PCDHA8: variants seen among roughly 807,000 people sequenced by gnomAD.
PCDHA8 encodes protocadherin alpha-8.
In PCDHA8, 53 loss-of-function variants were observed where a neutral mutation model predicts 61.8. The observed-to-expected ratio is 0.86, with a 90% CI of 0.69 to 1.08. The LOEUF is 1.08. Among genes scored for constraint, PCDHA8 ranks in the 50% least tolerant of loss-of-function variants. PCDHA8 has a pLI of 0.00. For synonymous variants in PCDHA8, 618 were observed against 556.6 expected, an observed-to-expected ratio of 1.11 and a Z score of -1.55; for missense variants, 1,293 against 1,245.0, an observed-to-expected ratio of 1.04 and a Z score of -0.58.
chr5:140,923,171 G>T (rs1236853762), intron 1 of PCDHA8, among the ~76,000 whole-genome samples: 1 of 152,112 alleles, frequency 6.6e-6, no homozygotes, highest in Non-Finnish European at 1.5e-5. Flanking sequence ...ATAAATTTTT[G>T]TTCAGATGCA....
At chr5:140,921,165 A>T (rs959305878) in intron 1 of PCDHA8, among the ~76,000 whole-genome samples, 1 of 151,798 alleles carries the variant, frequency 6.6e-6, no homozygotes, top group Non-Finnish European at 1.5e-5. Flanking sequence ...TTTTTTTAAC[A>T]CACATAAAGC....
At chr5:140,982,348 T>A (rs1253085859) in intron 2 of PCDHA8, 127 bp from the exon 3 acceptor site, 1 of 1,496,080 alleles carries the variant, frequency 6.7e-7, no homozygotes, top group East Asian at 2.4e-5. Flanking sequence ...TTGCTTCAGT[T>A]CAAGCATGAG....
chr5:140,975,056 A>C (rs1006106436), intron 1 of PCDHA8, among the ~76,000 whole-genome samples: 1 of 152,154 alleles, frequency 6.6e-6, no homozygotes, highest in Non-Finnish European at 1.5e-5. Flanking sequence ...AGAATCTACT[A>C]TCGAGCTCAT....
Position 141,009,995 on chromosome 5 carries a change from C to T in PCDHA8, c.*58C>T, listed in dbSNP as rs1178395504. 6.3e-7 allele frequency: 1 copy of T among 1,576,476 alleles called. No individual in the cohort carries two copies. The highest frequency in any genetic ancestry group is 8.6e-7 in the Non-Finnish European group (1 of 1,165,244). ...TTTTTGTAATAATGGCAAATCTCTC[C>T]CATGTAGCAATTCCCTGCTCCTTTT... On this transcript the variant is annotated 3_prime_UTR_variant, in exon 4 of 4. Coordinates refer to ENST00000531613, the MANE Select transcript of PCDHA8 (RefSeq NM_018911.3).
chr5:140,887,361 G>T (rs2061424710), intron 1 of PCDHA8, among the ~76,000 whole-genome samples: 1 of 152,144 alleles, frequency 6.6e-6, no homozygotes, highest in South Asian at 2.1e-4. Flanking sequence ...CTCCCAAAGT[G>T]CTGGGATTAC....
At chr5:140,994,785 A>G (rs942763350) in intron 3 of PCDHA8, among the ~76,000 whole-genome samples, 2 of 152,168 alleles carry the variant, frequency 1.3e-5, no homozygotes, top group African/African-American at 4.8e-5. Flanking sequence ...AAAGGAAACA[A>G]TGCGTGCATG....
chr5:140,853,370 G>T lies in PCDHA8; in HGVS notation c.2394+9655G>T, dbSNP rs1365315114. On this transcript the variant is annotated intron_variant, in intron 1 of 3. Coordinates refer to ENST00000531613, the MANE Select transcript of PCDHA8 (RefSeq NM_018911.3). ...CATGAACTCACAGGGATCCAGAGAT[G>T]GTAAAATTCAAAACAGCCTGTCAAG... 3 of 983,178 alleles carry T rather than the reference G, an allele frequency of 3.1e-6. 1 individual carries two copies. The highest frequency in any genetic ancestry group is 3.7e-6 in the Non-Finnish European group (3 of 815,894). The allele number at this position is 983,178 out of a possible 1,614,324, so 60.9% of individuals were successfully genotyped here. A position where few individuals can be genotyped will look rare whatever the true frequency, so the allele number is the denominator to read the frequency against.
intron 3 of PCDHA8, among the ~76,000 whole-genome samples, chr5:141,003,860 G>T (rs1224171720): frequency 6.6e-6 from 1 of 152,136 alleles, no homozygotes; most frequent in African/African-American, 2.4e-5. Flanking sequence ...ATTTATATGT[G>T]TCTGAAATCC....
chr5:140,937,868 C>T (rs1433466146), intron 1 of PCDHA8, among the ~76,000 whole-genome samples: 2 of 150,648 alleles, frequency 1.3e-5, no homozygotes, highest in Admixed American at 6.6e-5. Context: ...GCCGAGATCG[C>T]GCCACTGCAC....
At chr5:140,850,853 G>T in intron 1 of PCDHA8, 1 of 1,595,240 alleles carries the variant, frequency 6.3e-7, no homozygotes, top group Non-Finnish European at 8.6e-7. Context: ...CAGAGCGAAC[G>T]GGAGAACCCT....
intron 1 of PCDHA8, chr5:140,851,152 C>G (rs1379835863): frequency 1.5e-6 from 2 of 1,304,948 alleles, no homozygotes; most frequent in African/African-American, 3.1e-5. Flanking sequence ...CATTGAATTT[C>G]TGATGCTATG....
chr5:140,980,834 C>A (rs1424222678), intron 2 of PCDHA8, among the ~76,000 whole-genome samples: 1 of 151,974 alleles, frequency 6.6e-6, no homozygotes, highest in Non-Finnish European at 1.5e-5. Context: ...AGTTGTGAAC[C>A]TAAATAATAC....
At chr5:141,002,565 G>A (rs782803550) in intron 3 of PCDHA8, among the ~76,000 whole-genome samples, 9 of 152,196 alleles carry the variant, frequency 5.9e-5, no homozygotes, top group Non-Finnish European at 2.9e-5. Flanking sequence ...ACCAGTTAGT[G>A]ACCATGTGAC....
chr5:140,850,049 C>G (rs2150465227), intron 1 of PCDHA8: 5 of 1,596,466 alleles, frequency 3.1e-6, no homozygotes, highest in Non-Finnish European at 3.4e-6. Flanking sequence ...GCAAGGTGTA[C>G]GCGCTGCAGC....
At chr5:140,846,310 A>G (rs1373754894) in intron 1 of PCDHA8, among the ~76,000 whole-genome samples, 4 of 145,832 alleles carry the variant, frequency 2.7e-5, no homozygotes, top group African/African-American at 1.0e-4. Context: ...TAAACCATTT[A>G]TGTAGAGTGT....
intron 1 of PCDHA8, among the ~76,000 whole-genome samples, chr5:140,953,382 G>A (rs1554220887): frequency 6.6e-6 from 1 of 152,142 alleles, no homozygotes; most frequent in Admixed American, 6.6e-5. Context: ...ACCCCTCTCA[G>A]TTGTGGATTA....
intron 1 of PCDHA8, among the ~76,000 whole-genome samples, chr5:140,902,482 C>T (rs1554190466): frequency 1.3e-5 from 2 of 152,086 alleles, no homozygotes; most frequent in Non-Finnish European, 2.9e-5. Context: ...TTTGCCTGCT[C>T]AGTATGATAC....
At chr5:140,870,092 C>T (rs2051656113) in intron 1 of PCDHA8, 2 of 1,613,728 alleles carry the variant, frequency 1.2e-6, no homozygotes, top group African/African-American at 1.3e-5. Context: ...CCCCCAATGG[C>T]AGGTCACTGT....
intron 1 of PCDHA8, among the ~76,000 whole-genome samples, chr5:140,952,338 CAAAA>C (rs55931446): frequency 9.9e-4 from 134 of 134,976 alleles, no homozygotes; most frequent in Admixed American, 2.2e-3. Context: ...AACTCCATCT[CAAAA>C]AAAAAAAAAA....
Sources: gnomAD v4.1 joint callset for allele counts (sites outside exome capture counted in the v4.1 genomes callset) on GRCh38, gnomAD v4.1.1 for gene constraint, MANE v1.5 for transcripts, NCBI Gene and HGNC (gene_info 2026-07-23, HGNC 2026-07-21) for gene names.